The following PLCB4 variants were observed in gnomAD, a reference collection of about 807,000 sequenced individuals.
PLCB4 encodes phospholipase C beta 4.
PLCB4 carries 77 observed loss-of-function variants against 178.8 expected under a neutral mutation model. The ratio of observed to expected loss-of-function variants is 0.43; its 90% CI spans 0.36 to 0.52. PLCB4 has a LOEUF of 0.52. Among genes scored for constraint, PLCB4 ranks in the 20% least tolerant of loss-of-function variants. The probability of loss-of-function intolerance (pLI) is 0.00; values close to 1 mark genes in which losing one functional copy is unlikely to be tolerated. For synonymous variants in PLCB4, 496 were observed against 490.8 expected (o/e 1.01, Z -0.14); for missense variants, 1,024 against 1,453.4 (o/e 0.70, Z 4.80).
intron 1 of PLCB4, among the ~76,000 whole-genome samples, chr20:9,095,709 T>G (rs2090882244): frequency 6.6e-6 from 1 of 152,178 alleles, no homozygotes. Context: ...CCTGTTTTTA[T>G]TTAAATTTTT....
intron 19 of PLCB4, among the ~76,000 whole-genome samples, chr20:9,400,051 C>T (rs961733937): frequency 6.6e-6 from 1 of 152,096 alleles, no homozygotes; most frequent in East Asian, 1.9e-4. Context: ...ATTCCATTTC[C>T]TCAAATCCTT....
chr20:9,209,946 A>G (rs549525679), intron 2 of PLCB4, among the ~76,000 whole-genome samples: 15 of 141,398 alleles, frequency 1.1e-4, no homozygotes, highest in Non-Finnish European at 2.1e-4. Flanking sequence ...CCTGGGTGAC[A>G]GAGCAAGACT....
intron 20 of PLCB4, among the ~76,000 whole-genome samples, chr20:9,404,838 G>T (rs1312410058): frequency 6.6e-6 from 1 of 152,130 alleles, no homozygotes; most frequent in Non-Finnish European, 1.5e-5. Context: ...AAGGAGGCAA[G>T]CTCTCTCTTG....
intron 2 of PLCB4, among the ~76,000 whole-genome samples, chr20:9,126,004 TTG>T (rs374979140): frequency 6.6e-6 from 1 of 151,690 alleles, no homozygotes; most frequent in African/African-American, 2.4e-5. Flanking sequence ...GGGGACAAAT[TTG>T]TGTGTGTGTG....
chr20:9,260,514 G>A (rs2094286222), intron 3 of PLCB4, among the ~76,000 whole-genome samples: 1 of 152,052 alleles, frequency 6.6e-6, no homozygotes, highest in African/African-American at 2.4e-5. Context: ...GCAAAAAAAT[G>A]TATAGAGTGA....
intron 4 of PLCB4, among the ~76,000 whole-genome samples, chr20:9,325,972 C>A (rs1415747413): frequency 6.6e-6 from 1 of 152,146 alleles, no homozygotes; most frequent in African/African-American, 2.4e-5. Flanking sequence ...TGATAAGAGC[C>A]CATTTCCCGA....
chr20:9,378,574 C>T (rs2036872757), intron 12 of PLCB4, among the ~76,000 whole-genome samples: 1 of 152,082 alleles, frequency 6.6e-6, no homozygotes, highest in African/African-American at 2.4e-5. Flanking sequence ...ATTCCATGGT[C>T]CACCTCACAA....
intron 28 of PLCB4, among the ~76,000 whole-genome samples, chr20:9,434,008 C>T (rs114221812): frequency 0.013 from 2,039 of 152,146 alleles, 32 homozygotes; most frequent in African/African-American, 0.041. Context: ...AGGTATGCTA[C>T]GAAATGTTCA....
At chr20:9,229,938 A>C (rs980910713) in intron 3 of PLCB4, among the ~76,000 whole-genome samples, 3 of 152,144 alleles carry the variant, frequency 2.0e-5, no homozygotes, top group African/African-American at 7.2e-5. Context: ...TGGGAAATGT[A>C]TTACACTTTT....
chr20:9,384,725 A>C (rs2037430055), intron 14 of PLCB4, among the ~76,000 whole-genome samples: 1 of 152,038 alleles, frequency 6.6e-6, no homozygotes, highest in Admixed American at 6.5e-5. Context: ...GATTATAGGT[A>C]CTTGTTACTA....
intron 19 of PLCB4, among the ~76,000 whole-genome samples, chr20:9,396,037 C>T (rs1002910600): frequency 2.0e-5 from 3 of 152,082 alleles, no homozygotes; most frequent in Admixed American, 1.3e-4. Flanking sequence ...ATAATAATGC[C>T]GTTTTAATTC....
chr20:9,165,793 T>TTGTGTGTGTGTGTGTGTGTGTGTG (rs3036061), intron 2 of PLCB4, among the ~76,000 whole-genome samples: 1 of 139,750 alleles, frequency 7.2e-6, no homozygotes, highest in African/African-American at 2.6e-5. Flanking sequence ...CTGGGGCTGT[T>TTGTGTGTGTGTGTGTGTGTGTGTG]TGTGTGTGTG....
chr20:9,441,591 T>G (rs550589255), intron 30 of PLCB4, among the ~76,000 whole-genome samples: 1 of 152,296 alleles, frequency 6.6e-6, no homozygotes, highest in East Asian at 1.9e-4. Flanking sequence ...CACCTGGAAC[T>G]TAATGCCCTG....
chr20:9,442,655 A>G (rs753364933), intron 30 of PLCB4, among the ~76,000 whole-genome samples: 14 of 152,178 alleles, frequency 9.2e-5, no homozygotes, highest in Non-Finnish European at 1.9e-4. Context: ...GAGAGAGCTG[A>G]GGCCTAAAGA....
intron 28 of PLCB4, among the ~76,000 whole-genome samples, chr20:9,435,339 A>G (rs990035355): frequency 6.6e-6 from 1 of 152,268 alleles, no homozygotes; most frequent in African/African-American, 2.4e-5. Flanking sequence ...ATCAGGAAAA[A>G]CTAAATAAAA....
At chr20:9,314,379 A>G (rs1361945195) in intron 4 of PLCB4, among the ~76,000 whole-genome samples, 1 of 152,138 alleles carries the variant, frequency 6.6e-6, no homozygotes, top group African/African-American at 2.4e-5. Context: ...AGTCACACAT[A>G]TGGAGAAATA....
At chr20:9,235,294 C>T (rs752862765) in intron 3 of PLCB4, among the ~76,000 whole-genome samples, 1 of 152,094 alleles carries the variant, frequency 6.6e-6, no homozygotes, top group Non-Finnish European at 1.5e-5. Flanking sequence ...CAAGCAAATG[C>T]ACATAGACAT....
At chr20:9,412,356 G>A (rs2039918421) in intron 25 of PLCB4, among the ~76,000 whole-genome samples, 2 of 152,138 alleles carry the variant, frequency 1.3e-5, no homozygotes, top group African/African-American at 4.8e-5. Flanking sequence ...AAAGATCAGG[G>A]TTTGAGCTCA....
intron 30 of PLCB4, among the ~76,000 whole-genome samples, chr20:9,441,120 G>A (rs564320958): frequency 6.6e-6 from 1 of 152,276 alleles, no homozygotes; most frequent in African/African-American, 2.4e-5. Flanking sequence ...TGGACGTCTG[G>A]GAATGCCTGC....
Sources: allele counts gnomAD v4.1 joint callset (sites outside exome capture counted in the v4.1 genomes callset), GRCh38; gene constraint gnomAD v4.1.1; transcripts MANE v1.5; gene names NCBI Gene and HGNC (gene_info 2026-07-23, HGNC 2026-07-21).